CASP10: variants seen among roughly 807,000 people sequenced by gnomAD.
CASP10 encodes the protein caspase 10.
A neutral mutation model predicts 48.5 loss-of-function variants in CASP10; 41 were observed. That is an observed-to-expected ratio of 0.85 (90% CI 0.66 to 1.10). The LOEUF (loss-of-function observed/expected upper bound fraction) is 1.10. Among genes scored for constraint, CASP10 ranks in the 50% least tolerant of loss-of-function variants. The pLI is 0.00. For missense variants in CASP10, 614 were observed against 614.5 expected (o/e 1.00, Z 0.01); for synonymous variants, 232 against 238.4 (o/e 0.97, Z 0.25).
At chr2:201,187,886 T>C in intron 3 of CASP10, 87 bp downstream of exon 3, 1 of 966,808 alleles carries the variant, frequency 1.0e-6, no homozygotes, top group Non-Finnish European at 1.7e-6. Context: ...TAGGGAGATT[T>C]ATTTTTTATG....
intron 9 of CASP10, among the ~76,000 whole-genome samples, chr2:201,228,704 AT>A (rs1389866250): frequency 6.6e-6 from 1 of 152,222 alleles, no homozygotes; most frequent in African/African-American, 2.4e-5. Context: ...AGCCAACTTT[AT>A]CAACAGTTTT....
intron 5 of CASP10, among the ~76,000 whole-genome samples, chr2:201,198,724 T>C (rs1944900489): frequency 6.6e-6 from 1 of 150,876 alleles, no homozygotes; most frequent in Admixed American, 6.6e-5. Flanking sequence ...GTATTTTTAG[T>C]AGAGACGGGG....
rs778773099 is a variant in CASP10 at position 201,195,874 on chromosome 2, G to C, written c.610G>C (p.Glu204Gln). 10 of 1,613,768 alleles carry C rather than the reference G, an allele frequency of 6.2e-6. No homozygotes were observed. Among genetic ancestry groups the C allele is most frequent in the Non-Finnish European group, 7.6e-6 (9 of 1,179,858 alleles). The change falls in exon 5 of 10, where the codon GAA (glutamate) becomes CAA (glutamine). Residue 204 changes from glutamate (E) to glutamine (Q), a missense_variant. Coordinates refer to ENST00000286186, the MANE Select transcript of CASP10 (RefSeq NM_032977.4). ...IQIVTPPVDK[E>Q]AESYQGEEEL... ...GATAGTGACACCTCCTGTAGACAAGGAAGCCGAGTCGTATCAAGGAGAGGA... is the reference window on the plus strand; with the variant it reads ...GATAGTGACACCTCCTGTAGACAAGCAAGCCGAGTCGTATCAAGGAGAGGA...
At position 201,218,541 on chromosome 2, in the gene CASP10, A is replaced by G. The variant is rs981030239; in HGVS notation, c.*800A>G. 8.6e-6 allele frequency: 8 copies of G among 930,224 alleles called. No homozygotes were observed. The highest frequency in any genetic ancestry group is 5.4e-4 in the Middle Eastern group (1 of 1,840). The allele number at this position is 930,224 out of a possible 1,614,324, so 57.6% of individuals were successfully genotyped here. A position where few individuals can be genotyped will look rare whatever the true frequency, so the allele number is the denominator to read the frequency against. On this transcript the variant is annotated 3_prime_UTR_variant, in exon 10 of 10. Coordinates refer to ENST00000286186, the MANE Select transcript of CASP10 (RefSeq NM_032977.4). ...GGTCTCAAACTCCTGGGCTCAAGCG[A>G]TCCTCCCACCTCAGCTTCTCAAAGT...
chr2:201,202,345 A>G (rs1945049034), intron 5 of CASP10, among the ~76,000 whole-genome samples: 1 of 152,194 alleles, frequency 6.6e-6, no homozygotes, highest in African/African-American at 2.4e-5. Context: ...CCTCTCTGAC[A>G]TAGAGACTTG....
rs186862746 is a variant in CASP10, at chr2:201,218,494, G to T, written c.*753G>T. 285 of 695,964 alleles carry T rather than the reference G, an allele frequency of 4.1e-4. 2 individuals are homozygous for T. In the African/African-American group the frequency reaches 5.1e-3, roughly 12 times the overall value. 43.1% of individuals were successfully genotyped at this position (695,964 alleles called of 1,614,324 possible). On this transcript the variant is annotated 3_prime_UTR_variant, in exon 10 of 10. Transcript: ENST00000286186. ...TTTTTATTTTTTTTGTGGAGATGGG[G>T]TTTCACTATGTTGCCTAAGCTGGTC...
chr2:201,222,024 G>A (rs1024803261), downstream of CASP10, among the ~76,000 whole-genome samples: 8 of 152,156 alleles, frequency 5.3e-5, no homozygotes, highest in Non-Finnish European at 8.8e-5. Context: ...GCATGTCTGC[G>A]TGAATTTTGA....
At chr2:201,205,627 C>T (rs895729962) in intron 6 of CASP10, among the ~76,000 whole-genome samples, 2 of 152,110 alleles carry the variant, frequency 1.3e-5, no homozygotes, top group Non-Finnish European at 2.9e-5. Flanking sequence ...GAGCTGGAAG[C>T]CTTGAGCTGA....
Position 201,195,791 on chromosome 2 carries a change from C to T in CASP10, c.578-51C>T, listed in dbSNP as rs774349941. The T allele has an allele frequency of 8.5e-6, 12 of 1,419,332 alleles. No homozygotes were observed. The African/African-American group carries it at 1.7e-4, about 20-fold the overall frequency. The allele number at this position is 1,419,332 out of a possible 1,614,324, so 87.9% of individuals were successfully genotyped here. Reference sequence around the variant, plus strand: ...CTCCTGGGTTCAAGCAATTCTCCTGCTGCTAGTCAGAAGGTGATTTTTATT... The same window carrying T: ...CTCCTGGGTTCAAGCAATTCTCCTGTTGCTAGTCAGAAGGTGATTTTTATT... On this transcript the variant is annotated intron_variant, in intron 4 of 9. Coordinates refer to ENST00000286186, the MANE Select transcript of CASP10 (RefSeq NM_032977.4).
intron 7 of CASP10, among the ~76,000 whole-genome samples, chr2:201,207,580 A>G (rs1945247037): frequency 6.6e-6 from 1 of 152,042 alleles, no homozygotes; most frequent in Non-Finnish European, 1.5e-5. Flanking sequence ...AACATAGTGA[A>G]ACCCCGTCTC....
intron 2 of CASP10, chr2:201,186,452 G>A (rs1944418805): frequency 2.8e-6 from 1 of 362,410 alleles, no homozygotes; most frequent in Admixed American, 4.1e-5. Context: ...CTCCCTCCTG[G>A]GATCCACTAG....
At chr2:201,216,717 C>G (rs1424814311) in intron 9 of CASP10, among the ~76,000 whole-genome samples, 1 of 152,074 alleles carries the variant, frequency 6.6e-6, no homozygotes, top group African/African-American at 2.4e-5. Flanking sequence ...AAGATGGGGA[C>G]TGTTATGGTT....
At chr2:201,189,606 T>C (rs912179777) in intron 3 of CASP10, among the ~76,000 whole-genome samples, 8 of 152,164 alleles carry the variant, frequency 5.3e-5, no homozygotes, top group African/African-American at 1.7e-4. Flanking sequence ...CTTATCATTC[T>C]CTGAAGGTGA....
intron 9 of CASP10, chr2:201,228,879 T>A: frequency 6.4e-7 from 1 of 1,560,612 alleles, no homozygotes; most frequent in African/African-American, 1.4e-5. Flanking sequence ...GGTCCTTGTG[T>A]GTGAAAAACC....
intron 5 of CASP10, 133 bp downstream of exon 5, chr2:201,196,081 G>C (rs562571641): frequency 1.5e-6 from 1 of 666,556 alleles, no homozygotes; most frequent in African/African-American, 1.8e-5. Context: ...GTCTCACCAT[G>C]GTGATTGCAA....
chr2:201,188,040 G>A (rs936421373), intron 3 of CASP10, among the ~76,000 whole-genome samples: 3 of 152,178 alleles, frequency 2.0e-5, no homozygotes, highest in Non-Finnish European at 2.9e-5. Context: ...ACGTAAAATT[G>A]TGGGCAATCG....
chr2:201,187,446 G>A (rs1944453250), intron 2 of CASP10, among the ~76,000 whole-genome samples: 1 of 151,358 alleles, frequency 6.6e-6, no homozygotes, highest in Non-Finnish European at 1.5e-5. Flanking sequence ...TTTTAAATAT[G>A]CCTTCTTAGT....
At chr2:201,192,261 G>A (rs987339805) in intron 3 of CASP10, among the ~76,000 whole-genome samples, 9 of 152,130 alleles carry the variant, frequency 5.9e-5, no homozygotes, top group Non-Finnish European at 1.2e-4. Context: ...GGATGTGGTG[G>A]CATGAGCCTG....
Position 201,221,115 on chromosome 2 carries a change from G to A in CASP10, c.*3374G>A, listed in dbSNP as rs1409731127. The A allele has an allele frequency of 1.8e-5, 18 of 985,426 alleles. No homozygotes were observed. Among genetic ancestry groups the A allele is most frequent in the Non-Finnish European group, 2.0e-5 (17 of 829,940 alleles). 61.0% of individuals were successfully genotyped at this position (985,426 alleles called of 1,614,324 possible). A position where few individuals can be genotyped will look rare whatever the true frequency, so the allele number is the denominator to read the frequency against. On this transcript the variant is annotated 3_prime_UTR_variant, in exon 10 of 10. Coordinates refer to ENST00000286186, the MANE Select transcript of CASP10 (RefSeq NM_032977.4). ...TCCGGTTGTAACTGCAACAGAAATA[G>A]CAGGACTTAAGTTCCTTTGTGCGTA...
Sources: allele counts gnomAD v4.1 joint callset (sites outside exome capture counted in the v4.1 genomes callset), GRCh38; gene constraint gnomAD v4.1.1; transcripts MANE v1.5; gene names NCBI Gene and HGNC (gene_info 2026-07-23, HGNC 2026-07-21).